EML6: variants seen among roughly 807,000 people sequenced by gnomAD.
EML6 encodes echinoderm microtubule-associated protein-like 6.
EML6 carries 154 observed loss-of-function variants against 240.1 expected under a neutral mutation model. The observed-to-expected ratio is 0.64, with a 90% confidence interval of 0.56 to 0.73. The LOEUF is 0.73. Among genes scored for constraint, EML6 ranks in the 30% least tolerant of loss-of-function variants. EML6 has a pLI of 0.00. For synonymous variants in EML6, 1,148 were observed against 899.0 expected, an observed-to-expected ratio of 1.28 and a Z score of -4.95; for missense variants, 2,964 against 2,474.6, an observed-to-expected ratio of 1.20 and a Z score of -4.20.
intron 28 of EML6, among the ~76,000 whole-genome samples, chr2:54,940,311 G>C (rs979625997): frequency 6.6e-6 from 1 of 152,156 alleles, no homozygotes; most frequent in South Asian, 2.1e-4. Context: ...GTTCTATAAA[G>C]AAAACTATAT....
rs183063888 is a variant in EML6 at position 54,955,887 on chromosome 2, G to A, written c.4486+1731G>A. ...ATTTCTCCTCCCTTCCTTCTCCAGT[G>A]TGGGTTTGCCTTCATTTCAAGTCTT... is the stretch of plus-strand genomic sequence containing the variant. On this transcript the variant is annotated intron_variant, in intron 32 of 41. Coordinates refer to ENST00000356458, the MANE Select transcript of EML6 (RefSeq NM_001039753.4). 9.2e-4 allele frequency among the ~76,000 whole-genome samples: 140 copies of A among 152,310 alleles called. 1 individual carries two copies. The highest frequency in any genetic ancestry group is 3.3e-3 in the African/African-American group (139 of 41,546).
At chr2:54,936,303 A>G (rs756784576) in intron 28 of EML6, among the ~76,000 whole-genome samples, 12 of 152,232 alleles carry the variant, frequency 7.9e-5, no homozygotes, top group African/African-American at 1.2e-4. Context: ...ACTGAAATTC[A>G]TATGAGCTGA....
At chr2:54,827,835 G>A in intron 6 of EML6, 84 bp downstream of exon 6, 1 of 1,003,610 alleles carries the variant, frequency 1.0e-6, no homozygotes, top group Non-Finnish European at 1.5e-6. Flanking sequence ...TTCCCTTCTT[G>A]CTTTAGAATC....
In EML6 at chr2:54,895,415, T is replaced by C. The variant is rs1672711388; in HGVS notation, c.2982+15T>C. The C allele has an allele frequency of 6.4e-7, 1 of 1,551,352 alleles. No homozygotes were observed. Among genetic ancestry groups the C allele is most frequent in the African/African-American group, 1.4e-5 (1 of 73,002 alleles). On this transcript the variant is annotated intron_variant, in intron 21 of 41. Transcript: ENST00000356458. ...TGCTTGTTCAGGTACTGTTTGTATG[T>C]ATTCTAAACTGCAGTTCACATCAAG...
chr2:54,927,716 A>G (rs766779026), intron 26 of EML6, among the ~76,000 whole-genome samples: 104 of 152,336 alleles, frequency 6.8e-4, no homozygotes, highest in East Asian at 9.6e-4. Flanking sequence ...GTCGTTACTG[A>G]TAAATTGGGT....
intron 26 of EML6, among the ~76,000 whole-genome samples, chr2:54,917,582 T>G (rs1673992028): frequency 6.6e-6 from 1 of 152,100 alleles, no homozygotes; most frequent in Admixed American, 6.5e-5. Flanking sequence ...AGGCTGGTCT[T>G]GAACTCCTGA....
chr2:54,899,948 T>C (rs527898052), intron 22 of EML6, among the ~76,000 whole-genome samples, 166 bp downstream of exon 22: 102 of 152,334 alleles, frequency 6.7e-4, no homozygotes, highest in African/African-American at 2.4e-3. Context: ...TAAGCACATG[T>C]AGAATTATGC....
intron 2 of EML6, among the ~76,000 whole-genome samples, chr2:54,783,289 T>C (rs1450775726): frequency 6.6e-6 from 1 of 152,220 alleles, no homozygotes; most frequent in Non-Finnish European, 1.5e-5. Flanking sequence ...GTTCTGGATA[T>C]AACTATGTAA....
intron 18 of EML6, among the ~76,000 whole-genome samples, chr2:54,892,100 C>G (rs889879293): frequency 6.6e-6 from 1 of 152,172 alleles, no homozygotes; most frequent in Non-Finnish European, 1.5e-5. Context: ...TCTTGGCTGA[C>G]ACAGAACTTG....
At position 54,968,419 on chromosome 2, in the gene EML6, T is replaced by C. The variant is rs1047990836; in HGVS notation, c.5751+138T>C. The C allele has an allele frequency of 3.4e-6, 3 of 885,624 alleles. No homozygotes were observed. In the South Asian group the frequency reaches 5.0e-5, roughly 15 times the overall value. The allele number at this position is 885,624 out of a possible 1,614,324, so 54.9% of individuals were successfully genotyped here. ...ACAGTGGAAATATGGCAATGAGTTT[T>C]TCACCTCCTGGAGGGGCAGTCCTGG... On this transcript the variant is annotated intron_variant, in intron 40 of 41. Transcript: ENST00000356458.
intron 17 of EML6, chr2:54,883,024 T>C (rs1671922297): frequency 6.6e-6 from 1 of 151,754 alleles, no homozygotes; most frequent in African/African-American, 2.4e-5. Context: ...CCGCATACCA[T>C]ATGGGCCCCT....
In EML6 at chr2:54,847,474, T is replaced by C. The variant is rs1669827284; in HGVS notation, c.1050-12T>C. 6.5e-7 allele frequency: 1 copy of C among 1,549,812 alleles called. No homozygotes were observed. The highest frequency in any genetic ancestry group is 8.7e-7 in the Non-Finnish European group (1 of 1,146,310). ...TGGTTTTGTTTTGTTTTGACTTCGT[T>C]CTTGTGCCTAGGCTGTGGAGCCTGG... is the stretch of plus-strand genomic sequence containing the variant. On this transcript the variant is annotated splice_polypyrimidine_tract_variant and intron_variant, in intron 8 of 41. Transcript: ENST00000356458.
intron 17 of EML6, chr2:54,880,955 A>G (rs1671778290): frequency 6.6e-6 from 1 of 152,134 alleles, no homozygotes; most frequent in Non-Finnish European, 1.5e-5. Context: ...GAAGAAAGAA[A>G]TATTTCTTAA....
At chr2:54,879,009 A>G (rs1424430330) in intron 16 of EML6, among the ~76,000 whole-genome samples, 2 of 152,238 alleles carry the variant, frequency 1.3e-5, no homozygotes, top group Admixed American at 1.3e-4. Flanking sequence ...TTTAAATTGT[A>G]AAATCATCTT....
intron 7 of EML6, 83 bp from the exon 8 acceptor site, chr2:54,843,964 T>TTTG: frequency 1.5e-6 from 1 of 657,238 alleles, no homozygotes; most frequent in Non-Finnish European, 2.6e-6. Flanking sequence ...CTTTAGGGTT[T>TTTG]TGTGTGTGTG....
At chr2:54,804,320 A>G (rs746077032) in intron 2 of EML6, among the ~76,000 whole-genome samples, 2 of 152,260 alleles carry the variant, frequency 1.3e-5, no homozygotes, top group Non-Finnish European at 2.9e-5. Flanking sequence ...TCCTTGCTTA[A>G]AGAGAGGAGG....
chr2:54,970,162 A>T lies in EML6; in HGVS notation c.*67A>T. The T allele has an allele frequency of 6.7e-7, 1 of 1,493,520 alleles. No homozygotes were observed. Among genetic ancestry groups the T allele is most frequent in the Non-Finnish European group, 9.1e-7 (1 of 1,094,100 alleles). The allele number at this position is 1,493,520 out of a possible 1,614,324, so 92.5% of individuals were successfully genotyped here. A position where few individuals can be genotyped will look rare whatever the true frequency, so the allele number is the denominator to read the frequency against. On this transcript the variant is annotated 3_prime_UTR_variant, in exon 42 of 42. Transcript: ENST00000356458. ...GCCAGCAACTGCAGAGGCCATGCTG[A>T]GGTGCCTCCTTGCCACCAGCCGTTG...
chr2:54,876,579 T>A (rs1468816750), intron 16 of EML6, among the ~76,000 whole-genome samples: 1 of 152,264 alleles, frequency 6.6e-6, no homozygotes, highest in Non-Finnish European at 1.5e-5. Context: ...TATTTGTGCT[T>A]GCATTCCAAG....
At chr2:54,962,083 G>GTTT (rs533390678) in intron 35 of EML6, among the ~76,000 whole-genome samples, 2 of 132,266 alleles carry the variant, frequency 1.5e-5, no homozygotes, top group African/African-American at 2.8e-5. Flanking sequence ...CAAGTTACTT[G>GTTT]TTTTTTTTTT....
Sources: allele counts gnomAD v4.1 joint callset (sites outside exome capture counted in the v4.1 genomes callset), GRCh38; gene constraint gnomAD v4.1.1; transcripts MANE v1.5; gene names NCBI Gene and HGNC (gene_info 2026-07-23, HGNC 2026-07-21).